The following MGST2 variants were observed in gnomAD, a reference collection of about 807,000 sequenced individuals.
MGST2 encodes microsomal glutathione S-transferase 2, also known as glutathione peroxidase MGST2.
MGST2 carries 9 observed loss-of-function variants against 16.6 expected under a neutral mutation model. The ratio of observed to expected loss-of-function variants is 0.54; its 90% CI spans 0.33 to 0.95. MGST2 has a LOEUF of 0.95. MGST2 is among the 40% of genes least tolerant of loss of function. The pLI, the probability that MGST2 is intolerant of heterozygous loss-of-function variation, is 0.03. For synonymous variants in MGST2, 79 were observed against 68.0 expected (o/e 1.16, Z -0.79); for missense variants, 159 against 175.1 (o/e 0.91, Z 0.52).
intron 5 of MGST2, chr4:139,719,451 T>C (rs1019620911): frequency 8.1e-6 from 13 of 1,613,980 alleles, no homozygotes; most frequent in Non-Finnish European, 1.1e-5. Flanking sequence ...CCGTCGCCAC[T>C]GTAATTGTAT....
At chr4:139,744,126 T>C (rs1729251351), downstream of MGST2, among the ~76,000 whole-genome samples, 1 of 152,222 alleles carries the variant, frequency 6.6e-6, no homozygotes, top group South Asian at 2.1e-4. Flanking sequence ...AGGTCTGGAA[T>C]ACTCTGATTC....
In MGST2 at chr4:139,715,112, C is replaced by T. The variant is rs1322727650; in HGVS notation, c.*48+10916C>T. 6.6e-6 allele frequency among the ~76,000 whole-genome samples: 1 copy of T among 152,142 alleles called. No homozygotes were observed. Among genetic ancestry groups the T allele is most frequent in the African/African-American group, 2.4e-5 (1 of 41,444 alleles). On this transcript the variant is annotated intron_variant, in intron 5 of 5. Transcript: ENST00000616265. This position sits in a 1 kb window ranked among gnomAD's most constrained non-coding sequence, Gnocchi z 4.4. Reference sequence around the variant, plus strand: ...CTAAGTCGGGCCTCTAACCAGAGGTCGGTCAAGCATCCTTGCCTTTTATTA... The same window carrying T: ...CTAAGTCGGGCCTCTAACCAGAGGTTGGTCAAGCATCCTTGCCTTTTATTA...
downstream of MGST2, among the ~76,000 whole-genome samples, chr4:139,709,071 A>ATTTTT (rs377191495): frequency 6.1e-5 from 5 of 82,028 alleles, 1 homozygote; most frequent in South Asian, 9.8e-4. Flanking sequence ...AATGGAAAAA[A>ATTTTT]TTTTTTTTTT....
intron 5 of MGST2, among the ~76,000 whole-genome samples, chr4:139,727,623 T>C (rs1452767872): frequency 6.6e-6 from 1 of 152,266 alleles, no homozygotes; most frequent in Non-Finnish European, 1.5e-5. Context: ...AGAATGTTTC[T>C]AAGTTCTGTC....
chr4:139,707,709 C>T (rs1340029666), downstream of MGST2, among the ~76,000 whole-genome samples: 13 of 150,540 alleles, frequency 8.6e-5, no homozygotes, highest in Non-Finnish European at 1.8e-4. Flanking sequence ...ACATCCTCTC[C>T]AGCACCTGTT....
intron 5 of MGST2, chr4:139,725,765 A>T (rs756861133): frequency 1.9e-6 from 3 of 1,613,754 alleles, no homozygotes; most frequent in Non-Finnish European, 2.5e-6. Context: ...AAACTGATTG[A>T]CCTGCTGCAC....
At chr4:139,749,304 A>G in the MGST2 span, among the ~76,000 whole-genome samples, 1 of 152,252 alleles carries the variant, frequency 6.6e-6, no homozygotes, top group African/African-American at 2.4e-5. Flanking sequence ...TTAAATGCAA[A>G]AAAAGTTTTC....
chr4:139,707,394 T>C (rs1727561545), downstream of MGST2, among the ~76,000 whole-genome samples: 1 of 131,288 alleles, frequency 7.6e-6, no homozygotes, highest in Non-Finnish European at 1.7e-5. Context: ...TCATTTTTTA[T>C]GGCTGCATAG....
At chr4:139,749,797 C>G in the MGST2 span, among the ~76,000 whole-genome samples, 1 of 152,236 alleles carries the variant, frequency 6.6e-6, no homozygotes, top group East Asian at 1.9e-4. Flanking sequence ...TTGAGCAATG[C>G]AGTAATTATT....
downstream of MGST2, among the ~76,000 whole-genome samples, chr4:139,744,583 A>G (rs1235200552): frequency 6.6e-6 from 1 of 152,142 alleles, no homozygotes; most frequent in Non-Finnish European, 1.5e-5. Context: ...TTTGCTTTCA[A>G]TTTGAATATG....
chr4:139,736,705 A>T (rs1289904898), intron 5 of MGST2, among the ~76,000 whole-genome samples: 1 of 152,190 alleles, frequency 6.6e-6, no homozygotes, highest in Non-Finnish European at 1.5e-5. Context: ...CCCACCTGGG[A>T]GCTTGTTAGA....
intron 1 of MGST2, among the ~76,000 whole-genome samples, chr4:139,674,358 A>G (rs893908854): frequency 2.1e-4 from 32 of 152,236 alleles, no homozygotes; most frequent in African/African-American, 7.5e-4. Flanking sequence ...AATCAAAGGA[A>G]GCAATCAGAT....
At chr4:139,736,319 G>C (rs986299814) in intron 5 of MGST2, among the ~76,000 whole-genome samples, 1 of 152,176 alleles carries the variant, frequency 6.6e-6, no homozygotes, top group African/African-American at 2.4e-5. Context: ...TTGAGAAGGC[G>C]AAAGTATGTA....
At chr4:139,743,040 T>G (rs114800405), downstream of MGST2, among the ~76,000 whole-genome samples, 801 of 152,246 alleles carry the variant, frequency 5.3e-3, 5 homozygotes, top group African/African-American at 0.018. Flanking sequence ...ACCCCCTCAT[T>G]TTTCCCCAAA....
chr4:139,669,867 T>G (rs553225926), intron 1 of MGST2, among the ~76,000 whole-genome samples: 99 of 152,314 alleles, frequency 6.5e-4, no homozygotes, highest in African/African-American at 2.3e-3. Flanking sequence ...TGCAGACAAT[T>G]CTTTTGAGTG....
downstream of MGST2, among the ~76,000 whole-genome samples, chr4:139,741,093 T>C (rs1190282372): frequency 6.6e-6 from 1 of 152,168 alleles, no homozygotes; most frequent in Non-Finnish European, 1.5e-5. Flanking sequence ...CCCCCATTCC[T>C]ATGAGTAGAA....
At chr4:139,683,312 T>C (rs1037702304) in intron 2 of MGST2, among the ~76,000 whole-genome samples, 4 of 152,072 alleles carry the variant, frequency 2.6e-5, no homozygotes, top group Admixed American at 1.3e-4. Context: ...GAATGTGAAG[T>C]GTGAGAACAG....
chr4:139,754,427 A>C, the MGST2 span, among the ~76,000 whole-genome samples: 3 of 152,230 alleles, frequency 2.0e-5, no homozygotes, highest in East Asian at 5.8e-4. Context: ...ATTCATTCAA[A>C]CAAGACAAGG....
chr4:139,714,455 T>C (rs1727860265), intron 5 of MGST2, among the ~76,000 whole-genome samples: 2 of 152,344 alleles, frequency 1.3e-5, no homozygotes, highest in South Asian at 4.1e-4. Flanking sequence ...GGGGCCCTAG[T>C]GATCTGGCTT....
Sources: gnomAD v4.1 joint callset for allele counts (sites outside exome capture counted in the v4.1 genomes callset) on GRCh38, gnomAD v4.1.1 for gene constraint, Gnocchi (gnomAD v3.1) non-coding constraint, MANE v1.5 for transcripts, NCBI Gene and HGNC (gene_info 2026-07-23, HGNC 2026-07-21) for gene names.